Variants in KCNIP1 observed in about 807,000 individuals in gnomAD.
KCNIP1 encodes A-type potassium channel modulatory protein KCNIP1.
A neutral mutation model predicts 33.0 loss-of-function variants in KCNIP1; 18 were observed. The ratio of observed to expected loss-of-function variants is 0.55; its 90% confidence interval spans 0.38 to 0.81. KCNIP1 has a LOEUF of 0.81. Among genes scored for constraint, KCNIP1 ranks in the 30% least tolerant of loss-of-function variants. The pLI, the probability that KCNIP1 is intolerant of heterozygous loss-of-function variation, is 0.00. For missense variants in KCNIP1, 238 were observed against 271.6 expected, an observed-to-expected ratio of 0.88 and a Z score of 0.87; for synonymous variants, 93 against 98.3, an observed-to-expected ratio of 0.95 and a Z score of 0.32.
rs1268077567 is a variant in KCNIP1, at chr5:170,504,321, C to T, written c.-252C>T. ...GGGCGAGGGAACCGCCGGGCCGGGT[C>T]CTCGCGCGGGGAAGCGGTTCCGAAG... On this transcript the variant is annotated 5_prime_UTR_variant, in exon 1 of 8. Coordinates refer to ENST00000328939, the MANE Select transcript of KCNIP1 (RefSeq NM_014592.4). The surrounding 1 kb of genome is among the most constrained non-coding windows in gnomAD (Gnocchi z 6.0). 1 of 1,367,426 alleles carries T rather than the reference C, an allele frequency of 7.3e-7. No individual in the cohort carries two copies. Among genetic ancestry groups the T allele is most frequent in the Admixed American group, 3.5e-5 (1 of 28,920 alleles). 84.7% of individuals were successfully genotyped at this position (1,367,426 alleles called of 1,614,324 possible). A position where few individuals can be genotyped will look rare whatever the true frequency, so the allele number is the denominator to read the frequency against.
chr5:170,589,043 G>A (rs921365034), intron 1 of KCNIP1, among the ~76,000 whole-genome samples: 1 of 138,408 alleles, frequency 7.2e-6, no homozygotes, highest in African/African-American at 2.7e-5. Flanking sequence ...CTGTAGCCCA[G>A]GCTGGAGTGC....
chr5:170,679,508 C>T (rs1363152377), intron 1 of KCNIP1, among the ~76,000 whole-genome samples: 2 of 152,124 alleles, frequency 1.3e-5, no homozygotes, highest in African/African-American at 4.8e-5. Context: ...TACGCACATA[C>T]ATAGGAGAAA....
chr5:170,537,881 A>T lies in KCNIP1; in HGVS notation c.61+33248A>T, dbSNP rs146753276. Among the ~76,000 whole-genome samples, 819 of 152,268 alleles carry T rather than the reference A, an allele frequency of 5.4e-3. 7 individuals are homozygous for T. The highest frequency in any genetic ancestry group is 0.019 in the African/African-American group (773 of 41,558). On this transcript the variant is annotated intron_variant, in intron 1 of 7. Coordinates refer to ENST00000328939, the MANE Select transcript of KCNIP1 (RefSeq NM_014592.4). ...AGTCCTTTTGTTACACGGCCTTCCAATTCCCCAATCTGAGGGTGCCATTGT... is the reference window on the plus strand; with the variant it reads ...AGTCCTTTTGTTACACGGCCTTCCATTTCCCCAATCTGAGGGTGCCATTGT...
At position 170,664,001 on chromosome 5, in the gene KCNIP1, T is replaced by A. The variant is rs369290820; in HGVS notation, c.62-54757T>A. Among the ~76,000 whole-genome samples the A allele has an allele frequency of 9.2e-5, 14 of 152,252 alleles. No homozygotes were observed. The East Asian group carries it at 9.6e-4, about 10-fold the overall frequency. ...TGTCCACACACTCCAAACAAAGTCATATTTCCAAGACAAATTTGACCATGC... is the reference window on the plus strand; with the variant it reads ...TGTCCACACACTCCAAACAAAGTCAAATTTCCAAGACAAATTTGACCATGC... On this transcript the variant is annotated intron_variant, in intron 1 of 7. Transcript: ENST00000328939.
chr5:170,680,167 A>T (rs1468434843), intron 1 of KCNIP1, among the ~76,000 whole-genome samples: 1 of 152,268 alleles, frequency 6.6e-6, no homozygotes, highest in African/African-American at 2.4e-5. Context: ...AGAAGAGGAA[A>T]CTGGGCCTCA....
intron 6 of KCNIP1, 81 bp downstream of exon 6, chr5:170,732,985 T>A: frequency 2.5e-6 from 2 of 808,756 alleles, no homozygotes; most frequent in Non-Finnish European, 2.2e-6. Flanking sequence ...AAATGATTTG[T>A]GTCCAACCCT....
chr5:170,561,872 T>C (rs1757045218), intron 1 of KCNIP1, among the ~76,000 whole-genome samples: 1 of 152,210 alleles, frequency 6.6e-6, no homozygotes. Context: ...GGCTACCTCC[T>C]GAGAAACCCA....
intron 1 of KCNIP1, among the ~76,000 whole-genome samples, chr5:170,358,344 G>A (rs978803092): frequency 1.3e-4 from 20 of 152,116 alleles, no homozygotes; most frequent in African/African-American, 2.7e-4. Flanking sequence ...CTCCCCTCCC[G>A]CCCAGGCCCA....
intron 1 of KCNIP1, among the ~76,000 whole-genome samples, chr5:170,574,274 T>G (rs896361462): frequency 1.3e-5 from 2 of 152,258 alleles, no homozygotes; most frequent in African/African-American, 4.8e-5. Flanking sequence ...CTTGGGCATA[T>G]TTCTGGGCAC....
At chr5:170,473,724 C>T (rs1027523401) in intron 1 of KCNIP1, among the ~76,000 whole-genome samples, 5 of 152,180 alleles carry the variant, frequency 3.3e-5, no homozygotes, top group Admixed American at 6.5e-5. Context: ...CAAAGCCCCC[C>T]TCTATTTCCT....
chr5:170,510,020 C>A (rs1336191977), intron 1 of KCNIP1, among the ~76,000 whole-genome samples: 3 of 152,194 alleles, frequency 2.0e-5, no homozygotes, highest in African/African-American at 7.2e-5. Context: ...CCACAATTGT[C>A]CTTCAGCATT....
chr5:170,536,836 C>G (rs556431150), intron 1 of KCNIP1, among the ~76,000 whole-genome samples: 1 of 152,106 alleles, frequency 6.6e-6, no homozygotes, highest in African/African-American at 2.4e-5. Flanking sequence ...GCCTGGAGAG[C>G]GGCTGAAAGT....
intron 1 of KCNIP1, among the ~76,000 whole-genome samples, chr5:170,433,032 G>C (rs1755778499): frequency 6.6e-6 from 1 of 152,136 alleles, no homozygotes; most frequent in African/African-American, 2.4e-5. Flanking sequence ...AGGAGACTGG[G>C]CAGGAGGGAA....
At chr5:170,610,311 T>C (rs1420519965) in intron 1 of KCNIP1, among the ~76,000 whole-genome samples, 1 of 152,218 alleles carries the variant, frequency 6.6e-6, no homozygotes, top group Non-Finnish European at 1.5e-5. Context: ...AGTGAGCTAT[T>C]ATATTGACCA....
At chr5:170,562,393 G>A (rs997150561) in intron 1 of KCNIP1, among the ~76,000 whole-genome samples, 1 of 152,188 alleles carries the variant, frequency 6.6e-6, no homozygotes, top group Admixed American at 6.5e-5. Context: ...CAACCAGCAC[G>A]TGAGCTCTGT....
chr5:170,650,369 C>T (rs1389868606), intron 1 of KCNIP1, among the ~76,000 whole-genome samples: 1 of 151,818 alleles, frequency 6.6e-6, no homozygotes, highest in African/African-American at 2.4e-5. Flanking sequence ...CACTGATCTG[C>T]TTCCCGTCAG....
intron 1 of KCNIP1, among the ~76,000 whole-genome samples, chr5:170,675,628 A>G (rs1208537948): frequency 1.3e-5 from 2 of 152,200 alleles, no homozygotes; most frequent in Admixed American, 6.5e-5. Context: ...TCTAAAATAA[A>G]ATAAATTGCT....
chr5:170,497,545 A>G (rs990347150), intron 1 of KCNIP1, among the ~76,000 whole-genome samples: 20 of 152,134 alleles, frequency 1.3e-4, no homozygotes, highest in African/African-American at 4.8e-4. Context: ...ACTCTGGGGG[A>G]AAAGGTTCAC....
At chr5:170,686,186 A>G (rs567256780) in intron 1 of KCNIP1, among the ~76,000 whole-genome samples, 112 of 152,328 alleles carry the variant, frequency 7.4e-4, no homozygotes, top group Non-Finnish European at 1.1e-3. Context: ...CACAAAGTCT[A>G]TTAGAGGAAT....
Sources: gnomAD v4.1 joint callset for allele counts (sites outside exome capture counted in the v4.1 genomes callset) on GRCh38, gnomAD v4.1.1 for gene constraint, Gnocchi (gnomAD v3.1) non-coding constraint, MANE v1.5 for transcripts, NCBI Gene and HGNC (gene_info 2026-07-23, HGNC 2026-07-21) for gene names.